GRM7: variants seen among roughly 807,000 people sequenced by gnomAD.
The protein encoded by GRM7 is glutamate metabotropic receptor 7.
A neutral mutation model predicts 84.5 loss-of-function variants in GRM7; 35 were observed. The ratio of observed to expected loss-of-function variants is 0.41; its 90% confidence interval spans 0.32 to 0.55. The LOEUF (loss-of-function observed/expected upper bound fraction) is 0.55, where lower values mean the gene tolerates loss of function less well. Among genes scored for constraint, GRM7 ranks in the 20% least tolerant of loss-of-function variants. The pLI is 0.19. For missense variants in GRM7, 1,003 were observed against 1,194.6 expected, an observed-to-expected ratio of 0.84 and a Z score of 2.36; for synonymous variants, 487 against 455.1, an observed-to-expected ratio of 1.07 and a Z score of -0.89.
chr3:7,406,963 G>C (rs1343831576), intron 4 of GRM7, among the ~76,000 whole-genome samples: 1 of 152,156 alleles, frequency 6.6e-6, no homozygotes, highest in African/African-American at 2.4e-5. Context: ...ATAAAAATAT[G>C]GGATGTCATT....
chr3:7,472,508 G>A (rs1367273407), intron 7 of GRM7, among the ~76,000 whole-genome samples: 2 of 152,216 alleles, frequency 1.3e-5, no homozygotes, highest in Admixed American at 1.3e-4. Context: ...AGGGCAAGAT[G>A]GAAGATTAAT....
chr3:7,226,156 C>A (rs919188929), intron 2 of GRM7, among the ~76,000 whole-genome samples: 6 of 152,162 alleles, frequency 3.9e-5, no homozygotes, highest in Non-Finnish European at 8.8e-5. Context: ...TATTCATCTT[C>A]TATTGCTGTG....
intron 8 of GRM7, among the ~76,000 whole-genome samples, chr3:7,608,718 A>G (rs1218841376): frequency 2.0e-5 from 3 of 152,068 alleles, no homozygotes; most frequent in African/African-American, 7.2e-5. Context: ...TTTCAGTTTA[A>G]TTAGGTCCCA....
intron 4 of GRM7, among the ~76,000 whole-genome samples, chr3:7,307,556 G>T (rs1700237530): frequency 6.6e-6 from 1 of 152,180 alleles, no homozygotes; most frequent in Non-Finnish European, 1.5e-5. Context: ...CATGTTCTGT[G>T]TAGGCTTTTT....
At chr3:7,722,173 C>T (rs1701973459) in intron 9 of GRM7, among the ~76,000 whole-genome samples, 1 of 152,144 alleles carries the variant, frequency 6.6e-6, no homozygotes, top group East Asian at 1.9e-4. Context: ...GAGAAAAGTA[C>T]TTGAAAACAC....
chr3:7,562,103 TACA>T (rs1348780975), intron 7 of GRM7, among the ~76,000 whole-genome samples: 1 of 152,150 alleles, frequency 6.6e-6, no homozygotes, highest in Admixed American at 6.5e-5. Flanking sequence ...CATGCTTGAA[TACA>T]ACGCTTTTGA....
intron 7 of GRM7, among the ~76,000 whole-genome samples, chr3:7,473,907 A>G (rs756597655): frequency 1.3e-5 from 2 of 152,230 alleles, no homozygotes; most frequent in African/African-American, 4.8e-5. Context: ...ATTTCTTACA[A>G]TAGTAAAATC....
At chr3:7,102,907 T>C (rs956430167) in intron 1 of GRM7, among the ~76,000 whole-genome samples, 1 of 151,790 alleles carries the variant, frequency 6.6e-6, no homozygotes, top group African/African-American at 2.4e-5. Context: ...CATTCTTTTT[T>C]TCTTTTATAT....
chr3:7,236,774 A>G (rs920640880), intron 2 of GRM7, among the ~76,000 whole-genome samples: 2 of 152,156 alleles, frequency 1.3e-5, no homozygotes, highest in African/African-American at 4.8e-5. Flanking sequence ...TTCTGTGCCC[A>G]CTGACCACAG....
intron 2 of GRM7, among the ~76,000 whole-genome samples, chr3:7,184,674 C>T (rs1344561649): frequency 6.6e-6 from 1 of 152,040 alleles, no homozygotes; most frequent in Non-Finnish European, 1.5e-5. Context: ...AGATGATATT[C>T]TGTCACATGA....
intron 2 of GRM7, among the ~76,000 whole-genome samples, chr3:7,180,295 C>T (rs113710787): frequency 2.0e-5 from 3 of 152,224 alleles, no homozygotes; most frequent in East Asian, 3.9e-4. Context: ...TTAATAGCTA[C>T]TGTGTTGCTG....
chr3:7,403,069 G>A, intron 4 of GRM7: 1 of 303,544 alleles, frequency 3.3e-6, no homozygotes. Context: ...ATGGTAACCA[G>A]GCAACATGGT....
intron 1 of GRM7, among the ~76,000 whole-genome samples, chr3:6,869,568 C>CATCTATCTGTCTATCTATCTATCT (rs1553575971): frequency 3.2e-5 from 2 of 62,576 alleles, no homozygotes; most frequent in Admixed American, 1.8e-4. Context: ...GTATAATTTA[C>CATCTATCTGTCTATCTATCTATCT]ATCTATCTAT....
chr3:7,422,722 G>A (rs1256699925), intron 5 of GRM7, among the ~76,000 whole-genome samples: 1 of 152,020 alleles, frequency 6.6e-6, no homozygotes, highest in Non-Finnish European at 1.5e-5. Flanking sequence ...AGAACACAAA[G>A]GTCAGTCCTT....
chr3:6,881,357 G>T (rs980291118), intron 1 of GRM7, among the ~76,000 whole-genome samples: 5 of 151,990 alleles, frequency 3.3e-5, no homozygotes, highest in Non-Finnish European at 7.4e-5. Flanking sequence ...TGTTCTCATT[G>T]TTCAGCTCCC....
chr3:6,946,093 G>A lies in GRM7; in HGVS notation c.519+84186G>A, dbSNP rs549272640. Among the ~76,000 whole-genome samples, 108 of 152,212 alleles carry A rather than the reference G, an allele frequency of 7.1e-4. 1 individual carries two copies. The highest frequency in any genetic ancestry group is 6.1e-3 in the Admixed American group (93 of 15,282). On this transcript the variant is annotated intron_variant, in intron 1 of 9. Coordinates refer to ENST00000357716, the MANE Select transcript of GRM7 (RefSeq NM_000844.4). ...ATCCCATTTGTCAATTTTGTCTTTT[G>A]TTGCCATTGCTTTTGGTGTTTTAGA...
At chr3:7,456,773 A>T (rs1388220678) in intron 6 of GRM7, among the ~76,000 whole-genome samples, 1 of 152,024 alleles carries the variant, frequency 6.6e-6, no homozygotes, top group Non-Finnish European at 1.5e-5. Context: ...TTTTTCTTCC[A>T]TATGACAGCT....
At chr3:7,685,415 A>G (rs771786235) in intron 9 of GRM7, among the ~76,000 whole-genome samples, 4 of 152,156 alleles carry the variant, frequency 2.6e-5, no homozygotes, top group Admixed American at 2.6e-4. Flanking sequence ...AGCTAGATAT[A>G]GAGAGTTTAC....
intron 7 of GRM7, chr3:7,559,131 G>A (rs1040287539): frequency 8.7e-6 from 1 of 115,110 alleles, no homozygotes. Context: ...ATTAACAGTC[G>A]CTTTTTTTTT....
Sources: allele counts gnomAD v4.1 joint callset (sites outside exome capture counted in the v4.1 genomes callset), GRCh38; gene constraint gnomAD v4.1.1; transcripts MANE v1.5; gene names NCBI Gene and HGNC (gene_info 2026-07-23, HGNC 2026-07-21).